TSHZ2: variants seen among roughly 807,000 people sequenced by gnomAD.
TSHZ2 encodes the protein teashirt homolog 2.
TSHZ2 carries 21 observed loss-of-function variants against 74.4 expected under a neutral mutation model. The observed-to-expected ratio is 0.28, with a 90% CI of 0.20 to 0.41. The LOEUF (loss-of-function observed/expected upper bound fraction) is 0.41, where lower values mean the gene tolerates loss of function less well. Among genes scored for constraint, TSHZ2 ranks in the 10% least tolerant of loss-of-function variants. TSHZ2 has a pLI of 1.00. For missense variants in TSHZ2, 1,244 were observed against 1,293.5 expected (o/e 0.96, Z 0.59); for synonymous variants, 540 against 515.3 (o/e 1.05, Z -0.65).
intron 1 of TSHZ2, among the ~76,000 whole-genome samples, chr20:53,071,096 C>T (rs575568259): frequency 1.8e-4 from 27 of 152,286 alleles, no homozygotes; most frequent in African/African-American, 5.1e-4. Flanking sequence ...ACATAAATGA[C>T]TCCTCGAGTG....
intron 2 of TSHZ2, among the ~76,000 whole-genome samples, chr20:53,311,399 A>C (rs1243153067): frequency 6.6e-6 from 1 of 152,246 alleles, no homozygotes; most frequent in Non-Finnish European, 1.5e-5. Context: ...AATATGGATG[A>C]AGAATATTAA....
chr20:53,425,354 C>T (rs561887235), intron 2 of TSHZ2, among the ~76,000 whole-genome samples: 34 of 152,264 alleles, frequency 2.2e-4, no homozygotes, highest in Non-Finnish European at 4.0e-4. Context: ...GACTTCCAGC[C>T]CTCAGACACT....
At chr20:53,183,380 G>A (rs529719297) in intron 1 of TSHZ2, among the ~76,000 whole-genome samples, 12 of 152,294 alleles carry the variant, frequency 7.9e-5, no homozygotes, top group East Asian at 3.9e-4. Flanking sequence ...GATGCTGCTC[G>A]GGTCAGTATT....
chr20:53,297,035 C>T (rs1991392337), intron 2 of TSHZ2, among the ~76,000 whole-genome samples: 1 of 152,220 alleles, frequency 6.6e-6, no homozygotes, highest in Admixed American at 6.5e-5. Context: ...CATCCCCTCA[C>T]AGTACCCTGT....
intron 2 of TSHZ2, among the ~76,000 whole-genome samples, chr20:53,483,701 G>T (rs574172310): frequency 1.3e-5 from 2 of 152,114 alleles, no homozygotes; most frequent in Non-Finnish European, 2.9e-5. Context: ...ACTATGTTTG[G>T]TTTGATTTTA....
chr20:53,454,301 C>T (rs1984955579), intron 2 of TSHZ2, among the ~76,000 whole-genome samples: 1 of 152,048 alleles, frequency 6.6e-6, no homozygotes. Flanking sequence ...TGGTGGCTCA[C>T]ACCTGTAATC....
At chr20:53,423,011 C>G (rs569588896) in intron 2 of TSHZ2, among the ~76,000 whole-genome samples, 5 of 152,268 alleles carry the variant, frequency 3.3e-5, no homozygotes, top group African/African-American at 1.2e-4. Flanking sequence ...AAACAGAGAT[C>G]TACAAAGTTG....
chr20:53,006,767 T>G (rs1483380547), intron 1 of TSHZ2, among the ~76,000 whole-genome samples: 3 of 152,242 alleles, frequency 2.0e-5, no homozygotes, highest in African/African-American at 4.8e-5. Context: ...CATCATTTTC[T>G]TTGGTACAGA....
intron 1 of TSHZ2, among the ~76,000 whole-genome samples, chr20:53,150,646 A>T (rs569420953): frequency 2.2e-3 from 324 of 150,442 alleles, no homozygotes; most frequent in African/African-American, 7.0e-3. Flanking sequence ...AAAGTTTTTT[A>T]AAAAAAAGAA....
At chr20:53,179,922 G>C (rs147078950) in intron 1 of TSHZ2, among the ~76,000 whole-genome samples, 1 of 152,268 alleles carries the variant, frequency 6.6e-6, no homozygotes, top group Non-Finnish European at 1.5e-5. Flanking sequence ...CTTTAAAAAA[G>C]ATGGAGTTAC....
At chr20:52,998,730 C>T (rs1982299154) in intron 1 of TSHZ2, among the ~76,000 whole-genome samples, 1 of 152,214 alleles carries the variant, frequency 6.6e-6, no homozygotes, top group South Asian at 2.1e-4. Flanking sequence ...AGTTTTATGA[C>T]TCCCACCTGC....
At chr20:53,037,114 A>G (rs542181912) in intron 1 of TSHZ2, among the ~76,000 whole-genome samples, 8 of 152,194 alleles carry the variant, frequency 5.3e-5, no homozygotes, top group Non-Finnish European at 1.0e-4. Flanking sequence ...CTGTCAGTTA[A>G]ATAAGATTCT....
At chr20:53,150,200 G>T (rs8118210) in intron 1 of TSHZ2, among the ~76,000 whole-genome samples, 12,819 of 152,184 alleles carry the variant, frequency 0.084, 1,464 homozygotes, top group African/African-American at 0.26. Flanking sequence ...GCAAAGCTGG[G>T]ATTCAAATCT....
intron 1 of TSHZ2, among the ~76,000 whole-genome samples, chr20:53,152,456 C>G (rs1452306884): frequency 6.6e-6 from 1 of 152,186 alleles, no homozygotes; most frequent in Non-Finnish European, 1.5e-5. Flanking sequence ...TTATTCTAAC[C>G]CTGACCCTAA....
intron 2 of TSHZ2, among the ~76,000 whole-genome samples, chr20:53,324,520 G>T (rs1979414029): frequency 6.6e-6 from 1 of 152,096 alleles, no homozygotes; most frequent in African/African-American, 2.4e-5. Flanking sequence ...AGGGAGCACA[G>T]GTATGCATCA....
chr20:53,216,568 A>C (rs1045230982), intron 1 of TSHZ2, among the ~76,000 whole-genome samples: 1 of 152,182 alleles, frequency 6.6e-6, no homozygotes, highest in Non-Finnish European at 1.5e-5. Context: ...AGCCAGGAAC[A>C]TTTTCTGGTG....
intron 1 of TSHZ2, among the ~76,000 whole-genome samples, chr20:52,994,976 T>G (rs1277055581): frequency 6.6e-6 from 1 of 152,216 alleles, no homozygotes; most frequent in African/African-American, 2.4e-5. Context: ...ATATGCAAAC[T>G]GAGGCACAGA....
At chr20:53,403,749 T>C (rs1982753021) in intron 2 of TSHZ2, among the ~76,000 whole-genome samples, 1 of 152,208 alleles carries the variant, frequency 6.6e-6, no homozygotes, top group Non-Finnish European at 1.5e-5. Flanking sequence ...AGTGGATTTG[T>C]CAAACTAGCC....
At chr20:53,308,356 G>T (rs1978634470) in intron 2 of TSHZ2, among the ~76,000 whole-genome samples, 1 of 152,106 alleles carries the variant, frequency 6.6e-6, no homozygotes, top group Admixed American at 6.6e-5. Flanking sequence ...CTGTGCATAG[G>T]TGACACCAGT....
Sources: allele counts gnomAD v4.1 joint callset (sites outside exome capture counted in the v4.1 genomes callset), GRCh38; gene constraint gnomAD v4.1.1; transcripts MANE v1.5; gene names NCBI Gene and HGNC (gene_info 2026-07-23, HGNC 2026-07-21).